The following CADM2 variants were observed in gnomAD, a reference collection of about 807,000 sequenced individuals.
CADM2 encodes the protein immunoglobulin superfamily member 4D.
Under a neutral mutation model 49.8 loss-of-function variants are expected in CADM2, and 12 were observed. The ratio of observed to expected loss-of-function variants is 0.24; its 90% confidence interval spans 0.15 to 0.39. The LOEUF (loss-of-function observed/expected upper bound fraction) is 0.39, where lower values mean the gene tolerates loss of function less well. CADM2 is among the 10% of genes least tolerant of loss of function. The pLI is 1.00. For synonymous variants in CADM2, 214 were observed against 175.4 expected (o/e 1.22, Z -1.74); for missense variants, 378 against 492.3 (o/e 0.77, Z 2.20).
chr3:85,189,040 A>G (rs115653030), intron 1 of CADM2, among the ~76,000 whole-genome samples: 4,177 of 144,020 alleles, frequency 0.029, 182 homozygotes, highest in African/African-American at 0.098. Context: ...CAAAAAAATA[A>G]TAATAGTAAT....
intron 1 of CADM2, among the ~76,000 whole-genome samples, chr3:85,552,376 T>G (rs1199221967): frequency 1.4e-4 from 4 of 29,102 alleles, no homozygotes; most frequent in Non-Finnish European, 5.5e-4. Context: ...GTTTTTTTTT[T>G]TTTTTTTTTT....
chr3:85,636,673 C>G (rs1054628206), intron 1 of CADM2, among the ~76,000 whole-genome samples: 1 of 152,164 alleles, frequency 6.6e-6, no homozygotes, highest in African/African-American at 2.4e-5. Flanking sequence ...AGCCCCATTT[C>G]GCTAAGTGCC....
At chr3:84,961,402 G>A (rs1443708899) in intron 1 of CADM2, among the ~76,000 whole-genome samples, 2 of 152,184 alleles carry the variant, frequency 1.3e-5, no homozygotes, top group African/African-American at 4.8e-5. Flanking sequence ...GTAAATTTCA[G>A]ATATGTCATG....
intron 1 of CADM2, among the ~76,000 whole-genome samples, chr3:85,485,390 T>C (rs1187755253): frequency 6.6e-6 from 1 of 152,020 alleles, no homozygotes; most frequent in Non-Finnish European, 1.5e-5. Context: ...AAAGCATTGT[T>C]AACTTCCATT....
chr3:85,467,611 T>TAA (rs137952199), intron 1 of CADM2, among the ~76,000 whole-genome samples: 17 of 147,678 alleles, frequency 1.2e-4, no homozygotes, highest in African/African-American at 3.7e-4. Flanking sequence ...AAAGGCTAAT[T>TAA]AAAAAAAAAA....
chr3:85,824,856 A>C (rs991674325), intron 3 of CADM2, among the ~76,000 whole-genome samples: 9 of 151,988 alleles, frequency 5.9e-5, no homozygotes, highest in East Asian at 1.9e-4. Flanking sequence ...AAAAACTAAA[A>C]TTTTTAAATT....
At chr3:85,527,215 T>C (rs2061180908) in intron 1 of CADM2, among the ~76,000 whole-genome samples, 1 of 151,724 alleles carries the variant, frequency 6.6e-6, no homozygotes, top group Non-Finnish European at 1.5e-5. Context: ...GGAGACATGG[T>C]CTCTACAAAA....
chr3:85,109,758 A>T (rs1278582588), intron 1 of CADM2, among the ~76,000 whole-genome samples: 1 of 152,004 alleles, frequency 6.6e-6, no homozygotes, highest in African/African-American at 2.4e-5. Context: ...TTTATAGTAC[A>T]GTAGAGTAGT....
intron 1 of CADM2, among the ~76,000 whole-genome samples, chr3:85,634,555 T>C (rs920202017): frequency 6.6e-6 from 1 of 152,054 alleles, no homozygotes; most frequent in African/African-American, 2.4e-5. Context: ...CTCTACAATT[T>C]CTGTCAAATC....
chr3:85,583,819 A>G (rs1247860544), intron 1 of CADM2, among the ~76,000 whole-genome samples: 3 of 151,968 alleles, frequency 2.0e-5, no homozygotes, highest in African/African-American at 7.2e-5. Flanking sequence ...CATTTTTTTA[A>G]AGAGAACCAT....
intron 1 of CADM2, among the ~76,000 whole-genome samples, chr3:85,705,996 T>G (rs2066935905): frequency 6.6e-6 from 1 of 152,182 alleles, no homozygotes; most frequent in Non-Finnish European, 1.5e-5. Context: ...TGACCTCAGA[T>G]TTATCTCTTA....
chr3:85,851,390 C>CA (rs1559700423), intron 3 of CADM2, among the ~76,000 whole-genome samples: 1 of 151,868 alleles, frequency 6.6e-6, no homozygotes, highest in Non-Finnish European at 1.5e-5. Flanking sequence ...AATCACTTTA[C>CA]AAACAAGGGT....
At chr3:85,401,166 A>C (rs1413432295) in intron 1 of CADM2, among the ~76,000 whole-genome samples, 3 of 151,974 alleles carry the variant, frequency 2.0e-5, no homozygotes, top group South Asian at 2.1e-4. Flanking sequence ...TGTTTACCAC[A>C]CTCATGGGGG....
At chr3:85,277,282 A>C (rs566090033) in intron 1 of CADM2, among the ~76,000 whole-genome samples, 1 of 151,432 alleles carries the variant, frequency 6.6e-6, no homozygotes, top group South Asian at 2.1e-4. Context: ...AAGCTGAAAT[A>C]ACAAGCTCAA....
intron 1 of CADM2, among the ~76,000 whole-genome samples, chr3:85,173,661 A>G (rs1045148442): frequency 5.3e-5 from 8 of 152,156 alleles, no homozygotes; most frequent in Non-Finnish European, 1.2e-4. Flanking sequence ...CCTTTATTTT[A>G]TTTAAAGAAA....
At chr3:85,442,699 T>A (rs1298644866) in intron 1 of CADM2, among the ~76,000 whole-genome samples, 2 of 149,028 alleles carry the variant, frequency 1.3e-5, no homozygotes, top group Non-Finnish European at 3.0e-5. Context: ...TTTTTGTTTT[T>A]GCAGCCCTTT....
chr3:84,963,806 C>G (rs1231977956), intron 1 of CADM2, among the ~76,000 whole-genome samples: 1 of 152,148 alleles, frequency 6.6e-6, no homozygotes, highest in Non-Finnish European at 1.5e-5. Flanking sequence ...GCATATCTTT[C>G]CAACTATTTT....
intron 2 of CADM2, among the ~76,000 whole-genome samples, chr3:85,793,499 G>A (rs974932084): frequency 1.1e-4 from 17 of 152,166 alleles, no homozygotes; most frequent in African/African-American, 3.9e-4. Context: ...TTTCAGAGGT[G>A]TGCTGTAAAT....
At chr3:85,801,937 G>T (rs372752985) in intron 2 of CADM2, 110 bp from the exon 3 acceptor site, 7 of 858,610 alleles carry the variant, frequency 8.2e-6, no homozygotes, top group African/African-American at 3.4e-5. Context: ...GTCGTTGTTT[G>T]GTTGTTTTAA....
Sources: allele counts gnomAD v4.1 joint callset (sites outside exome capture counted in the v4.1 genomes callset), GRCh38; gene constraint gnomAD v4.1.1; transcripts MANE v1.5; gene names NCBI Gene and HGNC (gene_info 2026-07-23, HGNC 2026-07-21).